Variants in KALRN observed in about 807,000 individuals in gnomAD.
The protein encoded by KALRN is kalirin RhoGEF kinase, also known as kalirin.
A neutral mutation model predicts 353.7 loss-of-function variants in KALRN; 70 were observed. The ratio of observed to expected loss-of-function variants is 0.20; its 90% confidence interval spans 0.16 to 0.24. KALRN has a LOEUF of 0.24. Among genes scored for constraint, KALRN ranks in the 10% least tolerant of loss-of-function variants. KALRN has a pLI of 1.00. For missense variants in KALRN, 2,791 were observed against 3,756.7 expected (o/e 0.74, Z 6.72); for synonymous variants, 1,391 against 1,434.8 (o/e 0.97, Z 0.69).
chr3:124,037,014 C>T (rs1030764339), intron 1 of KALRN, among the ~76,000 whole-genome samples: 1 of 152,168 alleles, frequency 6.6e-6, no homozygotes, highest in Non-Finnish European at 1.5e-5. Flanking sequence ...TGTTCCAAGC[C>T]TGAGAAAGTG....
intron 13 of KALRN, among the ~76,000 whole-genome samples, chr3:124,405,667 G>A (rs557635711): frequency 4.0e-4 from 51 of 128,414 alleles, no homozygotes; most frequent in Non-Finnish European, 7.5e-4. Context: ...TTTTTTTGAC[G>A]GAGTCTCGCT....
intron 37 of KALRN, among the ~76,000 whole-genome samples, chr3:124,645,981 A>G (rs28532106): frequency 0.23 from 35,507 of 151,562 alleles, 4,420 homozygotes; most frequent in East Asian, 0.47. Flanking sequence ...CTTATTTTTC[A>G]TTTTTATTTT....
chr3:124,035,613 A>G (rs1482062058), intron 1 of KALRN, among the ~76,000 whole-genome samples: 1 of 152,220 alleles, frequency 6.6e-6, no homozygotes, highest in Non-Finnish European at 1.5e-5. Flanking sequence ...CCCGTAGCAG[A>G]GCTCAGTTCC....
chr3:124,281,789 T>A (rs1197255831), intron 5 of KALRN, among the ~76,000 whole-genome samples: 1 of 152,204 alleles, frequency 6.6e-6, no homozygotes, highest in Non-Finnish European at 1.5e-5. Flanking sequence ...AGGACCAGTG[T>A]CTTCAATTAC....
At chr3:124,329,275 A>C (rs2080256061) in intron 7 of KALRN, among the ~76,000 whole-genome samples, 2 of 152,186 alleles carry the variant, frequency 1.3e-5, no homozygotes, top group Non-Finnish European at 2.9e-5. Context: ...CTGTCCCCCT[A>C]GACTGCCTCT....
chr3:124,676,719 G>C (rs749244079), intron 49 of KALRN, among the ~76,000 whole-genome samples: 2 of 152,174 alleles, frequency 1.3e-5, no homozygotes, highest in Non-Finnish European at 2.9e-5. Context: ...TTTCAGCAGG[G>C]ATCTCCCTGA....
intron 23 of KALRN, among the ~76,000 whole-genome samples, chr3:124,461,366 G>C (rs139846134): frequency 4.6e-5 from 7 of 151,876 alleles, no homozygotes; most frequent in African/African-American, 1.7e-4. Flanking sequence ...TAGAAAAATT[G>C]CTAACCCCTG....
At chr3:124,154,397 A>G (rs1372342656) in intron 1 of KALRN, among the ~76,000 whole-genome samples, 1 of 152,216 alleles carries the variant, frequency 6.6e-6, no homozygotes, top group Non-Finnish European at 1.5e-5. Context: ...TAAGCTGATA[A>G]GCAACTTCAG....
At chr3:124,434,986 T>C (rs1012938168) in intron 17 of KALRN, among the ~76,000 whole-genome samples, 1 of 152,258 alleles carries the variant, frequency 6.6e-6, no homozygotes. Flanking sequence ...CCCATGTCTC[T>C]TGTCCTCCTT....
At chr3:124,308,791 G>A (rs2077957840) in intron 6 of KALRN, among the ~76,000 whole-genome samples, 2 of 151,370 alleles carry the variant, frequency 1.3e-5, no homozygotes, top group Non-Finnish European at 2.9e-5. Flanking sequence ...CCTAAAGCAA[G>A]CAGAAGAAAG....
chr3:124,139,609 G>GA (rs2066372599), intron 1 of KALRN, among the ~76,000 whole-genome samples: 1 of 152,166 alleles, frequency 6.6e-6, no homozygotes, highest in African/African-American at 2.4e-5. Flanking sequence ...GGCACAGTGA[G>GA]AGGGAATGCA....
intron 1 of KALRN, among the ~76,000 whole-genome samples, chr3:124,089,658 A>G (rs2061003842): frequency 6.6e-6 from 1 of 151,822 alleles, no homozygotes; most frequent in Non-Finnish European, 1.5e-5. Context: ...TTTTTCAGGA[A>G]GAATTCCTTT....
chr3:124,276,286 G>A (rs980001733), intron 5 of KALRN, among the ~76,000 whole-genome samples: 6 of 152,192 alleles, frequency 3.9e-5, no homozygotes, highest in African/African-American at 9.7e-5. Flanking sequence ...TGCTTATTGC[G>A]TTTTGAGGTT....
chr3:124,496,573 G>T (rs1326815139), intron 33 of KALRN, among the ~76,000 whole-genome samples, 160 bp downstream of exon 33: 2 of 152,184 alleles, frequency 1.3e-5, no homozygotes. Context: ...GCTGGAGGAG[G>T]CATGTCCCAG....
At chr3:124,190,499 C>T (rs1311561751) in intron 1 of KALRN, among the ~76,000 whole-genome samples, 1 of 152,148 alleles carries the variant, frequency 6.6e-6, no homozygotes, top group Non-Finnish European at 1.5e-5. Context: ...ATTTCTGACC[C>T]CAAGACATGG....
intron 1 of KALRN, among the ~76,000 whole-genome samples, chr3:124,107,518 C>A (rs1206583703): frequency 6.6e-6 from 1 of 152,176 alleles, no homozygotes; most frequent in African/African-American, 2.4e-5. Context: ...ACCAACCTGG[C>A]CCCCTAGAGC....
At chr3:124,628,612 G>T (rs56688610) in intron 34 of KALRN, among the ~76,000 whole-genome samples, 1 of 147,004 alleles carries the variant, frequency 6.8e-6, no homozygotes, top group Admixed American at 6.9e-5. Context: ...CTCTTGCTCT[G>T]TTGACCAGGC....
chr3:124,518,378 A>G, intron 33 of KALRN: 2 of 1,606,158 alleles, frequency 1.2e-6, no homozygotes, highest in Non-Finnish European at 1.7e-6. Context: ...CAAATCACAG[A>G]GCCCGGCCCT....
intron 1 of KALRN, among the ~76,000 whole-genome samples, chr3:124,133,992 A>G (rs2065621033): frequency 6.6e-6 from 1 of 152,144 alleles, no homozygotes; most frequent in Admixed American, 6.5e-5. Flanking sequence ...CCCCATCAAA[A>G]TACCACCATC....
Sources: gnomAD v4.1 joint callset for allele counts (sites outside exome capture counted in the v4.1 genomes callset) on GRCh38, gnomAD v4.1.1 for gene constraint, MANE v1.5 for transcripts, NCBI Gene and HGNC (gene_info 2026-07-23, HGNC 2026-07-21) for gene names.